SLC24A2: variants seen among roughly 807,000 people sequenced by gnomAD.
SLC24A2 encodes solute carrier family 24 member 2, also known as sodium/potassium/calcium exchanger 2.
Under a neutral mutation model 62.0 loss-of-function variants are expected in SLC24A2, and 36 were observed. That is an observed-to-expected ratio of 0.58 (90% confidence interval 0.44 to 0.77). SLC24A2 has a LOEUF of 0.77. Ranked by LOEUF, SLC24A2 falls within the 30% of genes least tolerant of loss-of-function variation. SLC24A2 has a pLI of 0.00. For synonymous variants in SLC24A2, 358 were observed against 294.0 expected (o/e 1.22, Z -2.23); for missense variants, 846 against 817.9 (o/e 1.03, Z -0.42).
the SLC24A2 span, among the ~76,000 whole-genome samples, chr9:20,080,988 G>T: frequency 1.3e-5 from 2 of 152,168 alleles, no homozygotes; most frequent in Admixed American, 6.5e-5. Context: ...ACAGCTGCTG[G>T]AGAGGATATG....
the SLC24A2 span, among the ~76,000 whole-genome samples, chr9:19,895,256 A>G: frequency 6.6e-6 from 1 of 151,012 alleles, no homozygotes. Context: ...TTTGCTGAGC[A>G]ATTGGGGGCC....
At chr9:19,829,444 G>C in the SLC24A2 span, among the ~76,000 whole-genome samples, 1 of 152,142 alleles carries the variant, frequency 6.6e-6, no homozygotes, top group African/African-American at 2.4e-5. Context: ...TGAATGATTT[G>C]AAAGGCATTG....
chr9:20,204,019 A>G, the SLC24A2 span, among the ~76,000 whole-genome samples: 577 of 152,342 alleles, frequency 3.8e-3, 17 homozygotes, highest in East Asian at 0.052. Context: ...ATATATTAAT[A>G]CAAAAGAAAA....
At position 19,786,675 on chromosome 9, in the gene SLC24A2, T is replaced by C. The variant is rs780667637; in HGVS notation, c.192A>G (p.Thr64=). The change falls in exon 2 of 11, where the codon ACA becomes ACG. Residue 64 remains threonine, a synonymous_variant. Transcript: ENST00000341998. The surrounding 1 kb of genome is among the most constrained non-coding windows in gnomAD (Gnocchi z 5.0). ...FSISAFSETD[T]QSTGEASVVS... is the part of the protein sequence containing the mutation. ...CAACACTGGCCTCTCCTGTGCTCTG[T>C]GTATCTGTCTCAGAAAAGGCACTGA... 3 of 1,613,702 alleles carry C rather than the reference T, an allele frequency of 1.9e-6. No individual in the cohort carries two copies. The highest frequency in any genetic ancestry group is 2.5e-6 in the Non-Finnish European group (3 of 1,179,740).
chr9:19,961,907 C>T, the SLC24A2 span, among the ~76,000 whole-genome samples: 1 of 152,194 alleles, frequency 6.6e-6, no homozygotes, highest in African/African-American at 2.4e-5. Context: ...AATGTAGTCC[C>T]AGCCAACAGA....
At chr9:19,852,201 A>G in the SLC24A2 span, among the ~76,000 whole-genome samples, 1 of 152,162 alleles carries the variant, frequency 6.6e-6, no homozygotes, top group Non-Finnish European at 1.5e-5. Flanking sequence ...AATTTGTTTA[A>G]GTTCCTTGTA....
chr9:20,161,119 A>C, the SLC24A2 span, among the ~76,000 whole-genome samples: 4 of 151,458 alleles, frequency 2.6e-5, no homozygotes, highest in Non-Finnish European at 5.9e-5. Flanking sequence ...CTTCTATACA[A>C]TTAAATTTGA....
At chr9:20,139,680 A>T in the SLC24A2 span, among the ~76,000 whole-genome samples, 7 of 152,172 alleles carry the variant, frequency 4.6e-5, no homozygotes, top group East Asian at 9.6e-4. Context: ...CCCAAGACTC[A>T]CTTTTATCAA....
chr9:19,604,718 T>G (rs1181014288), intron 4 of SLC24A2, among the ~76,000 whole-genome samples: 1 of 152,068 alleles, frequency 6.6e-6, no homozygotes, highest in Non-Finnish European at 1.5e-5. Flanking sequence ...CAAGGGAATT[T>G]GAGAACACAA....
the SLC24A2 span, among the ~76,000 whole-genome samples, chr9:19,811,144 G>A: frequency 1.7e-4 from 26 of 152,304 alleles, no homozygotes; most frequent in Non-Finnish European, 3.7e-4. Flanking sequence ...AATGAGATGA[G>A]TGCCTTTATA....
the SLC24A2 span, among the ~76,000 whole-genome samples, chr9:20,100,540 G>A: frequency 6.6e-6 from 1 of 152,136 alleles, no homozygotes; most frequent in South Asian, 2.1e-4. Flanking sequence ...CTTCTCATTA[G>A]ACATTAAGTT....
At chr9:19,824,857 C>T in the SLC24A2 span, among the ~76,000 whole-genome samples, 1 of 152,130 alleles carries the variant, frequency 6.6e-6, no homozygotes, top group Non-Finnish European at 1.5e-5. Flanking sequence ...AAGATGAGTT[C>T]ATGTCCTTTG....
chr9:20,019,155 A>AAGAGAGAG, the SLC24A2 span, among the ~76,000 whole-genome samples: 2,883 of 116,980 alleles, frequency 0.025, 283 homozygotes, highest in Non-Finnish European at 0.037. Context: ...GAAAGAAAGA[A>AAGAGAGAG]AGAGAGAGAG....
rs1207878976 is a variant in SLC24A2, at chr9:19,539,651, T to C, written c.1479+10486A>G. 7.2e-3 allele frequency among the ~76,000 whole-genome samples: 490 copies of C among 68,488 alleles called. 9 individuals carry two copies. Among genetic ancestry groups the C allele is most frequent in the African/African-American group, 0.029 (472 of 16,154 alleles). 44.9% of individuals were successfully genotyped at this position (68,488 alleles called of 152,430 possible). On this transcript the variant is annotated intron_variant, in intron 8 of 10. Coordinates refer to ENST00000341998, the MANE Select transcript of SLC24A2 (RefSeq NM_020344.4). ...TATGTGGTCAATTTTGGAATAGGTG[T>C]GGTGTGGTGCTGAAAAAAATGTATA... is the stretch of plus-strand genomic sequence containing the variant.
chr9:19,880,763 G>A, the SLC24A2 span, among the ~76,000 whole-genome samples: 2 of 152,160 alleles, frequency 1.3e-5, no homozygotes, highest in Non-Finnish European at 2.9e-5. Context: ...GAAGAGATTG[G>A]GGGGATTGGA....
the SLC24A2 span, among the ~76,000 whole-genome samples, chr9:19,853,809 G>A: frequency 1.3e-5 from 2 of 152,188 alleles, no homozygotes; most frequent in Admixed American, 6.5e-5. Context: ...TCAGGATGAT[G>A]CTGGTCTCAT....
chr9:20,207,605 C>A, the SLC24A2 span, among the ~76,000 whole-genome samples: 1 of 152,194 alleles, frequency 6.6e-6, no homozygotes, highest in African/African-American at 2.4e-5. Context: ...CTGTCTCACA[C>A]CTTTTTGTAT....
chr9:19,543,984 T>G (rs1200297937), intron 8 of SLC24A2, among the ~76,000 whole-genome samples: 1 of 152,160 alleles, frequency 6.6e-6, no homozygotes, highest in African/African-American at 2.4e-5. Flanking sequence ...CTGGATATCC[T>G]TGCTAATTTT....
At chr9:19,940,442 C>T in the SLC24A2 span, among the ~76,000 whole-genome samples, 1 of 152,254 alleles carries the variant, frequency 6.6e-6, no homozygotes, top group South Asian at 2.1e-4. Context: ...TACTCTGTGA[C>T]CTTAGGTAAA....
Sources: allele counts gnomAD v4.1 joint callset (sites outside exome capture counted in the v4.1 genomes callset), GRCh38; gene constraint gnomAD v4.1.1; non-coding constraint Gnocchi (gnomAD v3.1); transcripts MANE v1.5; gene names NCBI Gene and HGNC (gene_info 2026-07-23, HGNC 2026-07-21).